FGF14: variants seen among roughly 807,000 people sequenced by gnomAD.
FGF14 encodes the protein fibroblast growth factor homologous factor 4.
FGF14 carries 5 observed loss-of-function variants against 25.5 expected under a neutral mutation model. The observed-to-expected ratio is 0.20, with a 90% CI of 0.10 to 0.41. The LOEUF is 0.41. FGF14 is among the 10% of genes least tolerant of loss of function. The pLI is 1.00. For synonymous variants in FGF14, 138 were observed against 118.3 expected, an observed-to-expected ratio of 1.17 and a Z score of -1.08; for missense variants, 222 against 320.1, an observed-to-expected ratio of 0.69 and a Z score of 2.34.
intron 3 of FGF14, among the ~76,000 whole-genome samples, chr13:101,814,514 A>G (rs1223372187): frequency 6.6e-6 from 1 of 152,202 alleles, no homozygotes; most frequent in Non-Finnish European, 1.5e-5. Context: ...TCATAACCAC[A>G]ATTCAGTTTT....
At chr13:102,322,152 A>T (rs1317527181) in intron 1 of FGF14, among the ~76,000 whole-genome samples, 1 of 152,178 alleles carries the variant, frequency 6.6e-6, no homozygotes, top group African/African-American at 2.4e-5. Context: ...TGCTTTACTA[A>T]ACACACCTAC....
rs560107212 is a variant in FGF14 at position 102,054,927 on chromosome 13, G to A, written c.209-179631C>T. Among the ~76,000 whole-genome samples the A allele has an allele frequency of 2.6e-5, 4 of 152,250 alleles. No homozygotes were observed. In the East Asian group the frequency reaches 7.7e-4, roughly 29 times the overall value. On this transcript the variant is annotated intron_variant, in intron 1 of 4. Coordinates refer to the FGF14 transcript ENST00000376131. The stretch of plus-strand genomic sequence containing the variant: ...ATCACTCCCGCTTTCTGTTCCCACA[G>A]CCATGCCTTCATTTCTGATTTTCAT...
intron 1 of FGF14, chr13:102,003,149 G>T (rs2039591699): frequency 6.6e-6 from 1 of 152,126 alleles, no homozygotes; most frequent in Non-Finnish European, 1.5e-5. Flanking sequence ...CTAAGCTTTG[G>T]TTATCACTGG....
rs575840380 is a variant in FGF14 at position 102,123,076 on chromosome 13, T to C, written c.209-247780A>G. ...GCATTACAAAGAATTTATAGACAGG[T>C]AGTGAGATACCTAGAAAGACAGACG... is the stretch of plus-strand genomic sequence containing the variant. On this transcript the variant is annotated intron_variant, in intron 1 of 4. Coordinates refer to the FGF14 transcript ENST00000376131. Among the ~76,000 whole-genome samples the C allele has an allele frequency of 3.3e-5, 5 of 152,236 alleles. No individual in the cohort carries two copies. In the East Asian group the frequency reaches 7.7e-4, roughly 24 times the overall value.
At chr13:101,961,420 C>T (rs1037416131) in intron 1 of FGF14, among the ~76,000 whole-genome samples, 1 of 152,074 alleles carries the variant, frequency 6.6e-6, no homozygotes, top group African/African-American at 2.4e-5. Flanking sequence ...AGTCAATTTT[C>T]CCAGAACCAT....
intron 1 of FGF14, among the ~76,000 whole-genome samples, chr13:101,892,046 G>C (rs2029867375): frequency 6.6e-6 from 1 of 152,108 alleles, no homozygotes; most frequent in African/African-American, 2.4e-5. Flanking sequence ...TTACTTGGCA[G>C]ACTTACAGGA....
At chr13:101,944,172 A>AT (rs560290407) in intron 1 of FGF14, among the ~76,000 whole-genome samples, 2 of 152,298 alleles carry the variant, frequency 1.3e-5, no homozygotes, top group South Asian at 4.1e-4. Flanking sequence ...AGAGGCATGA[A>AT]TACTTAAACT....
intron 1 of FGF14, among the ~76,000 whole-genome samples, chr13:101,910,464 C>T (rs2032800392): frequency 6.6e-6 from 1 of 152,034 alleles, no homozygotes; most frequent in Admixed American, 6.6e-5. Context: ...GTGGCCCTTC[C>T]CTATGGTGAT....
At chr13:102,011,624 C>T (rs1347772646) in intron 1 of FGF14, among the ~76,000 whole-genome samples, 2 of 152,052 alleles carry the variant, frequency 1.3e-5, no homozygotes, top group East Asian at 3.9e-4. Flanking sequence ...TAGAGAGCAG[C>T]TCAGACAAAC....
intron 1 of FGF14, among the ~76,000 whole-genome samples, chr13:102,211,096 C>T (rs1401216664): frequency 6.6e-6 from 1 of 151,950 alleles, no homozygotes; most frequent in African/African-American, 2.4e-5. Flanking sequence ...CTTAAAGACC[C>T]CATCTTAGTA....
chr13:101,861,530 T>A (rs2044414831), intron 3 of FGF14, among the ~76,000 whole-genome samples: 1 of 149,350 alleles, frequency 6.7e-6, no homozygotes, highest in Admixed American at 6.7e-5. Context: ...CCCCTTTAAT[T>A]CAGAAGTTGC....
intron 1 of FGF14, among the ~76,000 whole-genome samples, chr13:102,163,471 A>T (rs566330253): frequency 6.6e-6 from 1 of 152,276 alleles, no homozygotes; most frequent in South Asian, 2.1e-4. Context: ...GGAAGTTTAG[A>T]GCAAGTGGAA....
At chr13:101,794,782 G>C (rs1382504538) in intron 3 of FGF14, among the ~76,000 whole-genome samples, 1 of 152,048 alleles carries the variant, frequency 6.6e-6, no homozygotes, top group Non-Finnish European at 1.5e-5. Flanking sequence ...ACAATAGCTC[G>C]TGTTCAAGGT....
chr13:102,257,415 G>C (rs2052502296), intron 1 of FGF14, among the ~76,000 whole-genome samples: 1 of 119,366 alleles, frequency 8.4e-6, no homozygotes, highest in Non-Finnish European at 1.6e-5. Flanking sequence ...ACAGTGGCAT[G>C]ATCTCGGCTC....
chr13:102,349,764 G>C (rs952365103), intron 1 of FGF14, among the ~76,000 whole-genome samples: 1 of 152,166 alleles, frequency 6.6e-6, no homozygotes, highest in African/African-American at 2.4e-5. Flanking sequence ...ATGAACCCAT[G>C]GGTTTAGGTT....
At chr13:101,866,463 T>G (rs1294148026) in intron 3 of FGF14, among the ~76,000 whole-genome samples, 1 of 152,150 alleles carries the variant, frequency 6.6e-6, no homozygotes, top group African/African-American at 2.4e-5. Context: ...ATCAGTGTCC[T>G]TATTTTAATA....
intron 1 of FGF14, among the ~76,000 whole-genome samples, chr13:102,162,122 G>A (rs1594226442): frequency 6.6e-6 from 1 of 152,146 alleles, no homozygotes; most frequent in African/African-American, 2.4e-5. Flanking sequence ...GGAGGGACTA[G>A]AACAAGTTTC....
At chr13:102,063,772 A>C (rs768628439) in intron 1 of FGF14, among the ~76,000 whole-genome samples, 3 of 152,208 alleles carry the variant, frequency 2.0e-5, no homozygotes, top group Non-Finnish European at 2.9e-5. Flanking sequence ...ATATTATAAA[A>C]GGTGGATAAA....
At chr13:101,828,938 T>A (rs1490810654) in intron 3 of FGF14, among the ~76,000 whole-genome samples, 1 of 152,042 alleles carries the variant, frequency 6.6e-6, no homozygotes, top group Admixed American at 6.6e-5. Flanking sequence ...AATATCATAC[T>A]AGGTGTTAGA....
Sources: gnomAD v4.1 joint callset for allele counts (sites outside exome capture counted in the v4.1 genomes callset) on GRCh38, gnomAD v4.1.1 for gene constraint, MANE v1.5 for transcripts, NCBI Gene and HGNC (gene_info 2026-07-23, HGNC 2026-07-21) for gene names.